The following TBC1D9B variants were observed in gnomAD, a reference collection of about 807,000 sequenced individuals.
The protein encoded by TBC1D9B is TBC1 domain family member 9B, also known as TBC1 domain family, member 9B (with GRAM domain).
In TBC1D9B, 87 loss-of-function variants were observed where a neutral mutation model predicts 121.1. The ratio of observed to expected loss-of-function variants is 0.72; its 90% CI spans 0.60 to 0.86. TBC1D9B has a LOEUF of 0.86. Ranked by LOEUF, TBC1D9B falls within the 40% of genes least tolerant of loss-of-function variation. The pLI is 0.00. For missense variants in TBC1D9B, 1,540 were observed against 1,628.6 expected, an observed-to-expected ratio of 0.95 and a Z score of 0.94; for synonymous variants, 668 against 670.1, an observed-to-expected ratio of 1.00 and a Z score of 0.05.
chr5:179,887,214 CTGGCCGCTGGATCCAGGCAT>C (rs1413047258), intron 7 of TBC1D9B, among the ~76,000 whole-genome samples: 2 of 152,216 alleles, frequency 1.3e-5, no homozygotes, highest in Non-Finnish European at 2.9e-5. Context: ...CCGCTGGCCA[CTGGCCGCTGGATCCAGGCAT>C]ATTCTCAATG....
intron 7 of TBC1D9B, among the ~76,000 whole-genome samples, chr5:179,883,753 G>A (rs1323953444): frequency 6.6e-6 from 1 of 152,144 alleles, no homozygotes; most frequent in Admixed American, 6.5e-5. Flanking sequence ...ATTATCTGTG[G>A]GAGGTTATCT....
intron 2 of TBC1D9B, among the ~76,000 whole-genome samples, chr5:179,901,203 G>A (rs1027342260): frequency 1.3e-5 from 2 of 152,074 alleles, no homozygotes; most frequent in African/African-American, 4.8e-5. Flanking sequence ...ATTACTCCTG[G>A]AAGCCCCTTA....
At chr5:179,866,240 GA>G in intron 18 of TBC1D9B, 1 of 162,894 alleles carries the variant, frequency 6.1e-6, no homozygotes, top group South Asian at 1.1e-4. Flanking sequence ...GTTCCTGCTA[GA>G]ACTCTGGGGA....
chr5:179,867,703 C>A, intron 18 of TBC1D9B, 75 bp downstream of exon 18: 2 of 1,597,106 alleles, frequency 1.3e-6, no homozygotes, highest in Non-Finnish European at 8.6e-7. Flanking sequence ...CTGGCCACTG[C>A]CCGAGCCCCA....
In TBC1D9B at chr5:179,863,917, G is replaced by A. The variant is rs1324124077; in HGVS notation, c.3233C>T (p.Ala1078Val). 3.7e-6 allele frequency: 6 copies of A among 1,613,842 alleles called. No homozygotes were observed. The highest frequency in any genetic ancestry group is 1.1e-5 in the South Asian group (1 of 91,074). ...EPPAPELHQD[A>V]ARELQPPAAG... is the part of the protein sequence containing the mutation. The stretch of plus-strand genomic sequence containing the variant: ...AGCTGGGGGCTGAAGCTCCCTGGCT[G>A]CGTCCTGATGCAGTTCGGGTGCTGG... The change falls in exon 21 of 21, where the codon GCA (alanine) becomes GTA (valine). Residue 1078 changes from alanine (A) to valine (V), a missense_variant. Coordinates refer to ENST00000355235, the MANE Select transcript of TBC1D9B (RefSeq NM_015043.4). The surrounding 1 kb of genome is among the most constrained non-coding windows in gnomAD (Gnocchi z 4.5).
At chr5:179,882,686 C>T (rs1760574312) in intron 7 of TBC1D9B, among the ~76,000 whole-genome samples, 1 of 152,040 alleles carries the variant, frequency 6.6e-6, no homozygotes, top group African/African-American at 2.4e-5. Flanking sequence ...CCCATCTCTA[C>T]AAAAAATACA....
At position 179,865,765 on chromosome 5, in the gene TBC1D9B, G is replaced by A; in HGVS notation, c.2914+73C>T. 1 of 1,496,108 alleles carries A rather than the reference G, an allele frequency of 6.7e-7. No homozygotes were observed. Among genetic ancestry groups the A allele is most frequent in the African/African-American group, 1.4e-5 (1 of 71,506 alleles). The allele number at this position is 1,496,108 out of a possible 1,614,324, so 92.7% of individuals were successfully genotyped here. On this transcript the variant is annotated intron_variant, in intron 19 of 20. Coordinates refer to ENST00000355235, the MANE Select transcript of TBC1D9B (RefSeq NM_015043.4). The surrounding 1 kb of genome is among the most constrained non-coding windows in gnomAD (Gnocchi z 5.1). ...GGTAGGGGGCTCCCTGGCAGTGACT[G>A]GGGAAAAGACCAGCAAGCAAGGGTG...
intron 10 of TBC1D9B, among the ~76,000 whole-genome samples, chr5:179,877,272 C>T (rs545291733): frequency 9.9e-5 from 15 of 151,488 alleles, no homozygotes; most frequent in Middle Eastern, 3.4e-3. Flanking sequence ...AGGCTGAGAC[C>T]GGAAGATCCC....
In TBC1D9B at chr5:179,874,260, A is replaced by G. The variant is rs272441; in HGVS notation, c.2186+642T>C. Among the ~76,000 whole-genome samples, 142,725 of 152,210 alleles carry G rather than the reference A, an allele frequency of 0.94. 67,017 individuals carry two copies. Among genetic ancestry groups the G allele is most frequent in the East Asian group, 1 (5,158 of 5,162 alleles). ...GGCAGGGCCAGGTCTGATCAGAGTCATGGGATGCAGGCAGGTCAAAGACTG... is the reference window on the plus strand; with the variant it reads ...GGCAGGGCCAGGTCTGATCAGAGTCGTGGGATGCAGGCAGGTCAAAGACTG... On this transcript the variant is annotated intron_variant, in intron 12 of 20. Coordinates refer to ENST00000355235, the MANE Select transcript of TBC1D9B (RefSeq NM_015043.4). This position sits in a 1 kb window ranked among gnomAD's most constrained non-coding sequence, Gnocchi z 4.3.
In TBC1D9B at chr5:179,865,701, C is replaced by T; in HGVS notation, c.2914+137G>A. The T allele has an allele frequency of 1.0e-6, 1 of 1,002,720 alleles. No homozygotes were observed. The highest frequency in any genetic ancestry group is 1.5e-6 in the Non-Finnish European group (1 of 672,510). 62.1% of individuals were successfully genotyped at this position (1,002,720 alleles called of 1,614,324 possible). On this transcript the variant is annotated intron_variant, in intron 19 of 20. Transcript: ENST00000355235. The surrounding 1 kb of genome is among the most constrained non-coding windows in gnomAD (Gnocchi z 5.1). ...GTGGAGCCTCCTGTGCATCCCGAGG[C>T]CTGCTCCCTGATCGGGGGACGCATC...
chr5:179,888,329 A>T lies in TBC1D9B; in HGVS notation c.1045-17T>A. ...AATGGTCACCTGAGAAGGTGAAAGA[A>T]CTCTTTTGGGTGTCTGCATCTCAGG... On this transcript the variant is annotated splice_polypyrimidine_tract_variant and intron_variant, in intron 6 of 20. Coordinates refer to ENST00000355235, the MANE Select transcript of TBC1D9B (RefSeq NM_015043.4). The T allele has an allele frequency of 6.2e-7, 1 of 1,610,304 alleles. No homozygotes were observed. The highest frequency in any genetic ancestry group is 8.5e-7 in the Non-Finnish European group (1 of 1,178,752).
At chr5:179,876,910 A>C (rs1026475577) in intron 10 of TBC1D9B, among the ~76,000 whole-genome samples, 11 of 151,792 alleles carry the variant, frequency 7.2e-5, no homozygotes, top group African/African-American at 2.7e-4. Flanking sequence ...ATCTCTATAA[A>C]AAATACAAAA....
chr5:179,867,246 G>C (rs1760040224), intron 18 of TBC1D9B: 1 of 576,852 alleles, frequency 1.7e-6, no homozygotes, highest in African/African-American at 1.9e-5. Flanking sequence ...CCTAGTGTGG[G>C]GGCCTTATTT....
chr5:179,876,724 G>C (rs61160471), intron 10 of TBC1D9B, among the ~76,000 whole-genome samples: 10,096 of 152,146 alleles, frequency 0.066, 1,098 homozygotes, highest in African/African-American at 0.23. Context: ...AACTGCTGGT[G>C]GGAATATAAA....
Position 179,872,901 on chromosome 5 carries a change from C to T in TBC1D9B, c.2406G>A (p.Lys802=). The T allele has an allele frequency of 6.2e-7, 1 of 1,609,390 alleles. No individual in the cohort carries two copies. The highest frequency in any genetic ancestry group is 8.5e-7 in the Non-Finnish European group (1 of 1,177,852). ...KVIQSLEDTA[K]RSVVRAIPVD... ...CTGCTGGCACCCATACCACACTCCT[C>T]TTGGCCGTGTCCTCCAAGGACTGGA... Residue 802 remains lysine (K), a synonymous_variant, in exon 14 of 21, where the codon AAG becomes AAA. Coordinates refer to ENST00000355235, the MANE Select transcript of TBC1D9B (RefSeq NM_015043.4).
Position 179,907,524 on chromosome 5 carries a change from C to T in TBC1D9B, c.118+180G>A, listed in dbSNP as rs1475676688. On this transcript the variant is annotated intron_variant, in intron 1 of 20. Transcript: ENST00000355235. This position sits in a 1 kb window ranked among gnomAD's most constrained non-coding sequence, Gnocchi z 5.3. ...CAGCCCCTCGCCTCCCCGCCCCGGC[C>T]CCTCCGCGCCCGGCTCCCGGGTCCT... Among the ~76,000 whole-genome samples the T allele has an allele frequency of 1.3e-5, 2 of 150,056 alleles. No individual in the cohort carries two copies. Among genetic ancestry groups the T allele is most frequent in the African/African-American group, 4.9e-5 (2 of 41,142 alleles).
chr5:179,864,243 T>TAATCATC, intron 20 of TBC1D9B, 115 bp from the exon 21 acceptor site: 1 of 1,054,536 alleles, frequency 9.5e-7, no homozygotes, highest in African/African-American at 1.6e-5. Context: ...GCCGTCTTGC[T>TAATCATC]AATCATCTCC....
chr5:179,896,164 G>A (rs746109241), intron 3 of TBC1D9B, among the ~76,000 whole-genome samples: 1 of 152,194 alleles, frequency 6.6e-6, no homozygotes, highest in Non-Finnish European at 1.5e-5. Context: ...CTGTCCCTGT[G>A]TTAAGAGGCT....
In TBC1D9B at chr5:179,863,502, C is replaced by T. The variant is rs1466045387; in HGVS notation, c.3648G>A (p.Val1216=). ...CACTGGCGGTGCTGAACTGTCTCTC[C>T]ACTTTCTTTTGGTCCTTGATCTTGA... ...IGLKIKDQKK[V]ERQFSTASDH... Residue 1216 remains valine (V), a synonymous_variant, in exon 21 of 21, where the codon GTG becomes GTA. Coordinates refer to ENST00000355235, the MANE Select transcript of TBC1D9B (RefSeq NM_015043.4). The surrounding 1 kb of genome is among the most constrained non-coding windows in gnomAD (Gnocchi z 4.5). 3 of 1,614,218 alleles carry T rather than the reference C, an allele frequency of 1.9e-6. No homozygotes were observed. Among genetic ancestry groups the T allele is most frequent in the South Asian group, 1.1e-5 (1 of 91,084 alleles).
Sources: allele counts gnomAD v4.1 joint callset (sites outside exome capture counted in the v4.1 genomes callset), GRCh38; gene constraint gnomAD v4.1.1; non-coding constraint Gnocchi (gnomAD v3.1); transcripts MANE v1.5; gene names NCBI Gene and HGNC (gene_info 2026-07-23, HGNC 2026-07-21).